COX10: variants seen among roughly 807,000 people sequenced by gnomAD.
COX10 encodes the protein cytochrome c oxidase assembly factor heme A:farnesyltransferase COX10.
Under a neutral mutation model 37.3 loss-of-function variants are expected in COX10, and 27 were observed. The ratio of observed to expected loss-of-function variants is 0.72; its 90% confidence interval spans 0.53 to 1.00. The LOEUF is 1.00. COX10 is among the 50% of genes least tolerant of loss of function. The pLI is 0.00. For synonymous variants in COX10, 222 were observed against 229.1 expected (o/e 0.97, Z 0.28); for missense variants, 475 against 563.2 (o/e 0.84, Z 1.59).
chr17:14,072,387 A>G (rs552430946), intron 1 of COX10, among the ~76,000 whole-genome samples: 1 of 152,024 alleles, frequency 6.6e-6, no homozygotes, highest in Non-Finnish European at 1.5e-5. Context: ...CGGCCGGCTA[A>G]GTTTTGTATT....
At chr17:14,172,831 G>C (rs1472381867) in intron 5 of COX10, among the ~76,000 whole-genome samples, 1 of 152,110 alleles carries the variant, frequency 6.6e-6, no homozygotes, top group Middle Eastern at 3.4e-3. Context: ...GGGATTACAA[G>C]TGCGAGCCAA....
chr17:14,143,817 C>G (rs1904621716), intron 4 of COX10, among the ~76,000 whole-genome samples: 1 of 152,126 alleles, frequency 6.6e-6, no homozygotes, highest in Non-Finnish European at 1.5e-5. Context: ...CCCCTGGTTT[C>G]CCCCTTTCTG....
At chr17:14,163,008 A>G (rs931510242) in intron 5 of COX10, among the ~76,000 whole-genome samples, 1 of 152,202 alleles carries the variant, frequency 6.6e-6, no homozygotes, top group Admixed American at 6.5e-5. Flanking sequence ...AACTTACAAC[A>G]TTCCAGGAGC....
chr17:14,096,360 G>T (rs1915652351), intron 3 of COX10, among the ~76,000 whole-genome samples: 1 of 142,444 alleles, frequency 7.0e-6, no homozygotes. Flanking sequence ...TTAAATGTAG[G>T]TGTGTTTTTT....
intron 5 of COX10, among the ~76,000 whole-genome samples, chr17:14,179,929 G>C (rs1321815852): frequency 6.6e-6 from 1 of 152,000 alleles, no homozygotes. Context: ...TCAATACCTG[G>C]TTTTGAAATG....
intron 4 of COX10, among the ~76,000 whole-genome samples, chr17:14,151,550 C>T (rs977261700): frequency 1.2e-4 from 18 of 151,650 alleles, no homozygotes; most frequent in Non-Finnish European, 2.4e-4. Context: ...CACACACACA[C>T]ACACACACAC....
chr17:14,098,096 C>A (rs9903819), intron 3 of COX10, among the ~76,000 whole-genome samples: 19,296 of 152,090 alleles, frequency 0.13, 1,355 homozygotes, highest in South Asian at 0.17. Context: ...TTTTGTGACT[C>A]TAGATTTTAC....
Position 14,115,550 on chromosome 17 carries a change from A to G in COX10, c.624+13308A>G, listed in dbSNP as rs1916091787. ...ACTGGGTATCTACCCAAAGGAAAAG[A>G]AATCAATGTATCAAAAAGATACCTG... On this transcript the variant is annotated intron_variant, in intron 4 of 6. Transcript: ENST00000261643. Among the ~76,000 whole-genome samples, 4 of 152,314 alleles carry G rather than the reference A, an allele frequency of 2.6e-5. No homozygotes were observed. The South Asian group carries it at 8.3e-4, about 32-fold the overall frequency.
chr17:14,073,948 A>G (rs1915087046), intron 1 of COX10, among the ~76,000 whole-genome samples: 1 of 152,164 alleles, frequency 6.6e-6, no homozygotes. Context: ...TATATATTTC[A>G]ATTTATTGTC....
intron 6 of COX10, among the ~76,000 whole-genome samples, chr17:14,199,007 A>G (rs941976818): frequency 2.0e-5 from 3 of 152,204 alleles, no homozygotes; most frequent in Non-Finnish European, 2.9e-5. Context: ...ATAAACAAGG[A>G]ACATTTTCAT....
chr17:14,188,652 A>T (rs1906111124), intron 5 of COX10, among the ~76,000 whole-genome samples: 1 of 152,024 alleles, frequency 6.6e-6, no homozygotes, highest in South Asian at 2.1e-4. Flanking sequence ...CCCTTTAAAG[A>T]CTTTTTAAGA....
At chr17:14,075,716 C>T (rs537164562) in intron 2 of COX10, among the ~76,000 whole-genome samples, 4 of 152,206 alleles carry the variant, frequency 2.6e-5, no homozygotes, top group Admixed American at 1.3e-4. Flanking sequence ...GCCGGCCAGG[C>T]GCTGTGGCTC....
chr17:14,070,587 G>A (rs773842851), intron 1 of COX10, among the ~76,000 whole-genome samples: 4 of 152,182 alleles, frequency 2.6e-5, no homozygotes, highest in Non-Finnish European at 4.4e-5. Flanking sequence ...GTTGTGTGAG[G>A]AATGTGATGC....
intron 3 of COX10, among the ~76,000 whole-genome samples, chr17:14,083,839 GATC>G (rs1915352674): frequency 6.6e-6 from 1 of 152,148 alleles, no homozygotes; most frequent in African/African-American, 2.4e-5. Context: ...TTTGGATTAG[GATC>G]ATAAGAGGCT....
At chr17:14,189,964 T>C (rs1480855226) in intron 5 of COX10, among the ~76,000 whole-genome samples, 2 of 152,226 alleles carry the variant, frequency 1.3e-5, no homozygotes, top group East Asian at 1.9e-4. Flanking sequence ...AGATAGAAGA[T>C]AAAAGACAGA....
chr17:14,115,593 C>G (rs1244955384), intron 4 of COX10, among the ~76,000 whole-genome samples: 1 of 152,126 alleles, frequency 6.6e-6, no homozygotes, highest in Admixed American at 6.6e-5. Context: ...ATGTTTATCA[C>G]CGCCCTACCA....
At chr17:14,127,283 G>T (rs929885543) in intron 4 of COX10, among the ~76,000 whole-genome samples, 2 of 152,084 alleles carry the variant, frequency 1.3e-5, no homozygotes, top group Non-Finnish European at 2.9e-5. Context: ...TCCTCTGTCT[G>T]TTTTCCTGGT....
At chr17:14,100,532 G>A (rs1915753575) in intron 3 of COX10, among the ~76,000 whole-genome samples, 1 of 152,152 alleles carries the variant, frequency 6.6e-6, no homozygotes, top group African/African-American at 2.4e-5. Context: ...AGGATGAGAA[G>A]GAGCCAGCTG....
intron 4 of COX10, among the ~76,000 whole-genome samples, chr17:14,128,536 A>C (rs1916393483): frequency 6.6e-6 from 1 of 152,218 alleles, no homozygotes; most frequent in Admixed American, 6.5e-5. Context: ...AACATTTAGT[A>C]GCTTAGGGTG....
Sources: gnomAD v4.1 joint callset for allele counts (sites outside exome capture counted in the v4.1 genomes callset) on GRCh38, gnomAD v4.1.1 for gene constraint, MANE v1.5 for transcripts, NCBI Gene and HGNC (gene_info 2026-07-23, HGNC 2026-07-21) for gene names.